Variants in AGMO observed in about 807,000 individuals in gnomAD.
AGMO encodes the protein alkylglycerol monooxygenase, also known as glyceryl-ether monooxygenase.
In AGMO, 75 loss-of-function variants were observed where a neutral mutation model predicts 60.2. The observed-to-expected ratio is 1.25, with a 90% CI of 1.03 to 1.51. The LOEUF (loss-of-function observed/expected upper bound fraction) is 1.51. AGMO is among the 40% of genes most tolerant of loss of function. The pLI is 0.00. For synonymous variants in AGMO, 261 were observed against 177.1 expected (o/e 1.47, Z -3.76); for missense variants, 763 against 525.5 (o/e 1.45, Z -4.42).
intron 12 of AGMO, among the ~76,000 whole-genome samples, chr7:15,273,921 T>A (rs1482512671): frequency 6.6e-6 from 1 of 152,160 alleles, no homozygotes; most frequent in Non-Finnish European, 1.5e-5. Flanking sequence ...TGGCTCTGTG[T>A]TTGTCTGTTA....
intron 12 of AGMO, among the ~76,000 whole-genome samples, chr7:15,289,053 T>A (rs1784182539): frequency 6.6e-6 from 1 of 151,862 alleles, no homozygotes; most frequent in South Asian, 2.1e-4. Flanking sequence ...TTCTTTAAAT[T>A]TTCTTTTCCT....
intron 12 of AGMO, among the ~76,000 whole-genome samples, chr7:15,264,551 ATC>A: frequency 6.6e-6 from 1 of 152,250 alleles, no homozygotes; most frequent in East Asian, 1.9e-4. Context: ...AAGGTCTAAT[ATC>A]CAGAATCTAC....
At chr7:15,540,012 A>G (rs2115270850) in intron 3 of AGMO, among the ~76,000 whole-genome samples, 1 of 152,334 alleles carries the variant, frequency 6.6e-6, no homozygotes, top group South Asian at 2.1e-4. Flanking sequence ...TTGAATAAGG[A>G]AAAGTTAATA....
the AGMO span, among the ~76,000 whole-genome samples, chr7:15,146,671 A>T: frequency 6.6e-6 from 1 of 152,244 alleles, no homozygotes; most frequent in Admixed American, 6.5e-5. Context: ...AGTTACCTGT[A>T]CATTGGACAG....
At chr7:15,184,976 C>T in the AGMO span, among the ~76,000 whole-genome samples, 1 of 151,858 alleles carries the variant, frequency 6.6e-6, no homozygotes, top group African/African-American at 2.4e-5. Flanking sequence ...ATAAGGGAGT[C>T]GTGAAAGCTA....
intron 4 of AGMO, among the ~76,000 whole-genome samples, chr7:15,426,613 G>A (rs1294965080): frequency 6.6e-6 from 1 of 152,084 alleles, no homozygotes; most frequent in Non-Finnish European, 1.5e-5. Flanking sequence ...GCTGGGCGTG[G>A]TGGTGCCCAC....
intron 3 of AGMO, among the ~76,000 whole-genome samples, chr7:15,481,729 C>T (rs916871498): frequency 6.6e-6 from 1 of 150,810 alleles, no homozygotes; most frequent in Non-Finnish European, 1.5e-5. Flanking sequence ...TTTCAGGATC[C>T]GCCCATACAA....
rs749828814 is a variant in AGMO, at chr7:15,365,536, G to A, written c.1241C>T (p.Pro414Leu). The A allele has an allele frequency of 1.9e-6, 3 of 1,612,434 alleles. No individual in the cohort carries two copies. Among genetic ancestry groups the A allele is most frequent in the Non-Finnish European group, 1.7e-6 (2 of 1,178,832 alleles). The change falls in exon 12 of 13, where the codon CCT becomes CTT. Residue 414 changes from proline to leucine, a missense_variant. Physicochemically the swap from Pro to Leu is moderately conservative, Grantham distance 98. Coordinates refer to ENST00000342526, the MANE Select transcript of AGMO (RefSeq NM_001004320.2). The part of the protein sequence containing the change: ...YRFGHLKPLV[P>L]SLSSAFEIVF... ...TACCTCAAAAGCAGATGACAATGAA[G>A]GGACAAGAGGCTTCAGGTGACCAAA...
At chr7:15,354,608 G>C (rs1296889803) in intron 12 of AGMO, among the ~76,000 whole-genome samples, 1 of 141,058 alleles carries the variant, frequency 7.1e-6, no homozygotes, top group East Asian at 2.2e-4. Flanking sequence ...TACATCTTGA[G>C]AAAGACTATA....
At chr7:15,236,260 A>G (rs1782416235) in intron 12 of AGMO, among the ~76,000 whole-genome samples, 1 of 152,144 alleles carries the variant, frequency 6.6e-6, no homozygotes, top group African/African-American at 2.4e-5. Context: ...AGAAATAATT[A>G]ACAAGATTTT....
chr7:15,557,630 A>T, intron 2 of AGMO, among the ~76,000 whole-genome samples: 1 of 151,676 alleles, frequency 6.6e-6, no homozygotes, highest in East Asian at 1.9e-4. Flanking sequence ...AAATAAAAAT[A>T]TTTTTCACCA....
intron 12 of AGMO, among the ~76,000 whole-genome samples, chr7:15,289,228 C>A (rs975949777): frequency 2.6e-5 from 4 of 151,568 alleles, no homozygotes; most frequent in Non-Finnish European, 5.9e-5. Context: ...TCAATAAGGA[C>A]GTTATTTTTA....
At chr7:15,353,813 A>C (rs1782348688) in intron 12 of AGMO, among the ~76,000 whole-genome samples, 1 of 152,216 alleles carries the variant, frequency 6.6e-6, no homozygotes. Context: ...GTACTTTAAA[A>C]ATAACAGCAT....
At chr7:15,133,191 T>C in the AGMO span, among the ~76,000 whole-genome samples, 4 of 151,932 alleles carry the variant, frequency 2.6e-5, no homozygotes, top group Admixed American at 2.6e-4. Flanking sequence ...TGTATGAGAG[T>C]GGGAAAGAGT....
intron 12 of AGMO, among the ~76,000 whole-genome samples, chr7:15,341,284 G>A (rs186750333): frequency 2.6e-5 from 4 of 152,200 alleles, no homozygotes; most frequent in Non-Finnish European, 4.4e-5. Flanking sequence ...TGAATGCTTT[G>A]CTACTTAGAA....
chr7:15,225,675 T>C (rs993270862), intron 12 of AGMO, among the ~76,000 whole-genome samples: 17 of 151,980 alleles, frequency 1.1e-4, no homozygotes, highest in Admixed American at 1.1e-3. Context: ...GCTTCTATTA[T>C]GATTGTTACT....
chr7:15,186,000 G>C, the AGMO span, among the ~76,000 whole-genome samples: 1 of 152,148 alleles, frequency 6.6e-6, no homozygotes, highest in African/African-American at 2.4e-5. Flanking sequence ...AAGATGTCTA[G>C]TTACAAGTGC....
At chr7:15,225,989 T>A (rs1325722832) in intron 12 of AGMO, among the ~76,000 whole-genome samples, 1 of 152,034 alleles carries the variant, frequency 6.6e-6, no homozygotes, top group Non-Finnish European at 1.5e-5. Context: ...ATAAAAGAGA[T>A]AAATCAGCTT....
chr7:15,475,961 A>G (rs1011170968), intron 3 of AGMO, among the ~76,000 whole-genome samples: 6 of 152,092 alleles, frequency 3.9e-5, no homozygotes, highest in Non-Finnish European at 8.8e-5. Context: ...CTTCCAAATC[A>G]TGACGTAATA....
Sources: gnomAD v4.1 joint callset for allele counts (sites outside exome capture counted in the v4.1 genomes callset) on GRCh38, gnomAD v4.1.1 for gene constraint, MANE v1.5 for transcripts, NCBI Gene and HGNC (gene_info 2026-07-23, HGNC 2026-07-21) for gene names.